The following CEP112 variants were observed in gnomAD, a reference collection of about 807,000 sequenced individuals.
CEP112 encodes centrosomal protein 112.
A neutral mutation model predicts 153.0 loss-of-function variants in CEP112; 127 were observed. The ratio of observed to expected loss-of-function variants is 0.83; its 90% CI spans 0.72 to 0.96. The LOEUF (loss-of-function observed/expected upper bound fraction) is 0.96, where lower values mean the gene tolerates loss of function less well. CEP112 is among the 40% of genes least tolerant of loss of function. The pLI, the probability that CEP112 is intolerant of heterozygous loss-of-function variation, is 0.00. For synonymous variants in CEP112, 358 were observed against 374.4 expected, an observed-to-expected ratio of 0.96 and a Z score of 0.51; for missense variants, 1,089 against 1,101.2, an observed-to-expected ratio of 0.99 and a Z score of 0.16.
chr17:65,659,427 T>A (rs11650074), intron 24 of CEP112, among the ~76,000 whole-genome samples: 1 of 152,332 alleles, frequency 6.6e-6, no homozygotes, highest in African/African-American at 2.4e-5. Flanking sequence ...AAGGCATGTC[T>A]TGCCAGATAT....
chr17:65,749,401 G>A (rs190490078), intron 22 of CEP112, among the ~76,000 whole-genome samples: 18 of 151,962 alleles, frequency 1.2e-4, no homozygotes, highest in Non-Finnish European at 1.9e-4. Context: ...CCAGCTACTC[G>A]GGAGGCTGAG....
At chr17:65,744,004 C>A (rs1182109042) in intron 22 of CEP112, among the ~76,000 whole-genome samples, 1 of 152,062 alleles carries the variant, frequency 6.6e-6, no homozygotes, top group Non-Finnish European at 1.5e-5. Flanking sequence ...CTCAGGTGAT[C>A]CACCCACCTC....
chr17:66,006,383 G>A (rs570095988), intron 16 of CEP112, among the ~76,000 whole-genome samples: 95 of 152,166 alleles, frequency 6.2e-4, no homozygotes, highest in Non-Finnish European at 8.4e-4. Context: ...CGAGGCAGGC[G>A]GATCACAAGG....
intron 18 of CEP112, among the ~76,000 whole-genome samples, chr17:65,939,841 G>C (rs1196086281): frequency 6.6e-6 from 1 of 152,052 alleles, no homozygotes; most frequent in Admixed American, 6.5e-5. Flanking sequence ...AAGATTTCTT[G>C]GATATGACAA....
chr17:66,078,669 T>G (rs767891618), intron 8 of CEP112, among the ~76,000 whole-genome samples: 1 of 152,206 alleles, frequency 6.6e-6, no homozygotes, highest in Non-Finnish European at 1.5e-5. Flanking sequence ...CTTTGGGTTT[T>G]TTTTAATTTT....
chr17:65,957,419 T>G (rs2062039037), intron 18 of CEP112, among the ~76,000 whole-genome samples: 1 of 152,180 alleles, frequency 6.6e-6, no homozygotes. Flanking sequence ...ATATTTCGAT[T>G]GAGTACTCTT....
chr17:66,116,262 T>C lies in CEP112; in HGVS notation c.642+13484A>G, dbSNP rs540669035. On this transcript the variant is annotated intron_variant, in intron 6 of 26. Transcript: ENST00000535342. The stretch of plus-strand genomic sequence containing the variant: ...ACCATTATGATCTCTTTTCAACAAT[T>C]AACATTTTTTTTTGTCCTCTTGTTT... Among the ~76,000 whole-genome samples, 60 of 151,648 alleles carry C rather than the reference T, an allele frequency of 4.0e-4. 1 individual carries two copies. In the East Asian group the frequency reaches 4.1e-3, roughly 10 times the overall value.
intron 8 of CEP112, among the ~76,000 whole-genome samples, chr17:66,095,195 C>A (rs895893357): frequency 3.3e-5 from 5 of 152,066 alleles, no homozygotes; most frequent in African/African-American, 1.2e-4. Flanking sequence ...GCTATCTGCA[C>A]CCCCATGTTC....
At chr17:65,788,093 T>C (rs775308674) in intron 21 of CEP112, among the ~76,000 whole-genome samples, 5 of 152,312 alleles carry the variant, frequency 3.3e-5, no homozygotes, top group Admixed American at 6.5e-5. Flanking sequence ...CTCCCTCCTA[T>C]TCCTAGCTTA....
chr17:65,724,661 A>G (rs1276283590), intron 23 of CEP112, among the ~76,000 whole-genome samples: 1 of 152,214 alleles, frequency 6.6e-6, no homozygotes, highest in African/African-American at 2.4e-5. Context: ...ACTTTCTTTT[A>G]AAAAATTATA....
chr17:66,159,128 C>G (rs1397228390), intron 4 of CEP112, among the ~76,000 whole-genome samples: 3 of 152,168 alleles, frequency 2.0e-5, no homozygotes, highest in Non-Finnish European at 4.4e-5. Flanking sequence ...TGGACACATA[C>G]ACCCTCCCAA....
chr17:66,138,054 AAGTC>A (rs2070517282), intron 4 of CEP112, among the ~76,000 whole-genome samples: 1 of 152,190 alleles, frequency 6.6e-6, no homozygotes. Context: ...ACCGCACAGA[AAGTC>A]AATCAATGAG....
intron 4 of CEP112, among the ~76,000 whole-genome samples, chr17:66,157,705 C>CAAAAAAAAAAA (rs370026993): frequency 1.1e-5 from 1 of 93,812 alleles, no homozygotes; most frequent in African/African-American, 4.7e-5. Flanking sequence ...AAATGGAAAG[C>CAAAAAAAAAAA]AAAAAAAAAA....
intron 21 of CEP112, chr17:65,826,244 C>T: frequency 1.9e-6 from 3 of 1,614,098 alleles, no homozygotes; most frequent in Non-Finnish European, 2.5e-6. Flanking sequence ...CTCTATCAGT[C>T]TCAGGGCTTG....
chr17:66,144,986 C>G (rs913304327), intron 4 of CEP112, among the ~76,000 whole-genome samples: 1 of 152,176 alleles, frequency 6.6e-6, no homozygotes, highest in African/African-American at 2.4e-5. Context: ...ATACTCCCAT[C>G]AACAGTGTAT....
chr17:65,653,992 G>C (rs1330774307), intron 24 of CEP112, among the ~76,000 whole-genome samples: 1 of 142,642 alleles, frequency 7.0e-6, no homozygotes, highest in East Asian at 2.1e-4. Context: ...CCAGGAGACA[G>C]AGGTTGCAGT....
chr17:65,907,532 G>T (rs185127119), intron 19 of CEP112, among the ~76,000 whole-genome samples: 35 of 152,144 alleles, frequency 2.3e-4, no homozygotes, highest in African/African-American at 7.7e-4. Context: ...AATAGCTCAG[G>T]CTTGTCTGCT....
chr17:66,021,992 C>A (rs1311607188), intron 16 of CEP112, among the ~76,000 whole-genome samples: 1 of 152,210 alleles, frequency 6.6e-6, no homozygotes, highest in Non-Finnish European at 1.5e-5. Flanking sequence ...AATCTGCTGA[C>A]ACAAATGCAC....
intron 24 of CEP112, among the ~76,000 whole-genome samples, chr17:65,647,075 C>G (rs1263081709): frequency 6.6e-6 from 1 of 152,002 alleles, no homozygotes. Flanking sequence ...ATTCAAAAAT[C>G]CAACCAGTGA....
Sources: allele counts gnomAD v4.1 joint callset (sites outside exome capture counted in the v4.1 genomes callset), GRCh38; gene constraint gnomAD v4.1.1; transcripts MANE v1.5; gene names NCBI Gene and HGNC (gene_info 2026-07-23, HGNC 2026-07-21).